CDH2: variants seen among roughly 807,000 people sequenced by gnomAD.
CDH2 encodes the protein cadherin 2.
A neutral mutation model predicts 92.0 loss-of-function variants in CDH2; 17 were observed. That is an observed-to-expected ratio of 0.18 (90% CI 0.13 to 0.28). CDH2 has a LOEUF of 0.28. CDH2 is among the 10% of genes least tolerant of loss of function. The pLI is 1.00. For missense variants in CDH2, 862 were observed against 1,133.1 expected (o/e 0.76, Z 3.44); for synonymous variants, 419 against 415.9 (o/e 1.01, Z -0.09).
intron 2 of CDH2, among the ~76,000 whole-genome samples, chr18:28,129,009 T>G (rs1464410426): frequency 1.3e-5 from 2 of 152,214 alleles, no homozygotes; most frequent in Non-Finnish European, 2.9e-5. Flanking sequence ...GCCACACCCA[T>G]AAGATCTAAG....
chr18:28,099,957 T>TA (rs1253717882), intron 2 of CDH2, among the ~76,000 whole-genome samples: 2 of 152,196 alleles, frequency 1.3e-5, no homozygotes, highest in Non-Finnish European at 2.9e-5. Context: ...AGTTTTTTTT[T>TA]ATCTATGATA....
At chr18:28,169,362 C>T (rs1212847848) in intron 1 of CDH2, among the ~76,000 whole-genome samples, 1 of 152,032 alleles carries the variant, frequency 6.6e-6, no homozygotes, top group African/African-American at 2.4e-5. Context: ...TTTAGTGCAA[C>T]AGAAGAAAGT....
chr18:28,075,764 T>C (rs144643432), intron 2 of CDH2, among the ~76,000 whole-genome samples: 6 of 152,272 alleles, frequency 3.9e-5, no homozygotes, highest in Non-Finnish European at 7.4e-5. Context: ...AACCTTCAGA[T>C]AGTCAAGGGA....
At chr18:28,054,339 T>A (rs2014250852) in intron 2 of CDH2, among the ~76,000 whole-genome samples, 1 of 152,180 alleles carries the variant, frequency 6.6e-6, no homozygotes, top group South Asian at 2.1e-4. Context: ...GATAAAATTG[T>A]TCACTTGTAG....
At chr18:28,077,338 G>A (rs778767966) in intron 2 of CDH2, among the ~76,000 whole-genome samples, 3 of 151,950 alleles carry the variant, frequency 2.0e-5, no homozygotes, top group Non-Finnish European at 2.9e-5. Context: ...TCTCCTAAAC[G>A]AACAACATGA....
chr18:28,033,487 GTGTGTA>G (rs1236013458), intron 2 of CDH2, among the ~76,000 whole-genome samples: 1 of 152,056 alleles, frequency 6.6e-6, no homozygotes, highest in South Asian at 2.1e-4. Flanking sequence ...CTCTGTGTGT[GTGTGTA>G]TGTGTATGTA....
At chr18:28,070,850 T>C (rs2014604037) in intron 2 of CDH2, among the ~76,000 whole-genome samples, 1 of 152,322 alleles carries the variant, frequency 6.6e-6, no homozygotes, top group Non-Finnish European at 1.5e-5. Context: ...AATCCATCAG[T>C]GGTAGGATTC....
At chr18:28,133,814 C>A (rs911325470) in intron 2 of CDH2, among the ~76,000 whole-genome samples, 1 of 151,876 alleles carries the variant, frequency 6.6e-6, no homozygotes, top group South Asian at 2.1e-4. Context: ...ACTGCAAAAC[C>A]GTGATGCTGC....
Position 27,977,448 on chromosome 18 carries a change from C to T in CDH2, c.2349+5496G>A, listed in dbSNP as rs76382736. Among the ~76,000 whole-genome samples the T allele has an allele frequency of 2.9e-3, 369 of 129,170 alleles. 2 individuals are homozygous for T. The East Asian group carries it at 0.037, about 13-fold the overall frequency. The allele number at this position is 129,170 out of a possible 152,430, so 84.7% of individuals were successfully genotyped here. ...TAGCAACCTGTACCTTGACATAGAA[C>T]TTATACAGACAGAGACTCCAATCAA... On this transcript the variant is annotated intron_variant, in intron 14 of 15. Coordinates refer to ENST00000269141, the MANE Select transcript of CDH2 (RefSeq NM_001792.5).
At chr18:27,933,442 A>G (rs1908948956) in intron 6 of CDH2, among the ~76,000 whole-genome samples, 1 of 152,206 alleles carries the variant, frequency 6.6e-6, no homozygotes, top group Non-Finnish European at 1.5e-5. Flanking sequence ...CATCAACATG[A>G]CCAATATAAA....
intron 2 of CDH2, among the ~76,000 whole-genome samples, chr18:28,113,013 G>A (rs534454451): frequency 6.6e-6 from 1 of 152,208 alleles, no homozygotes; most frequent in Admixed American, 6.5e-5. Context: ...AAATGCACTG[G>A]GAAGTATGTG....
chr18:28,079,725 A>C (rs2014790729), intron 2 of CDH2, among the ~76,000 whole-genome samples: 1 of 152,202 alleles, frequency 6.6e-6, no homozygotes, highest in Non-Finnish European at 1.5e-5. Context: ...CACTGTCCTA[A>C]AACCACGGAA....
chr18:28,167,245 A>C (rs939324578), intron 1 of CDH2, among the ~76,000 whole-genome samples: 2 of 152,142 alleles, frequency 1.3e-5, no homozygotes, highest in African/African-American at 2.4e-5. Context: ...CAGAATTCCA[A>C]ATGTATTTGG....
intron 2 of CDH2, among the ~76,000 whole-genome samples, chr18:28,118,725 C>T (rs938960548): frequency 6.6e-6 from 1 of 151,860 alleles, no homozygotes; most frequent in African/African-American, 2.4e-5. Flanking sequence ...AGGCCGTATA[C>T]CTTAGTAGTT....
At chr18:28,127,046 A>C (rs907545321) in intron 2 of CDH2, among the ~76,000 whole-genome samples, 1 of 152,198 alleles carries the variant, frequency 6.6e-6, no homozygotes, top group African/African-American at 2.4e-5. Context: ...TTCCTCCTCA[A>C]GGCACTGTGG....
At position 28,138,957 on chromosome 18, in the gene CDH2, C is replaced by A. The variant is rs557025728; in HGVS notation, c.172+8716G>T. Among the ~76,000 whole-genome samples, 3 of 152,128 alleles carry A rather than the reference C, an allele frequency of 2.0e-5. No homozygotes were observed. In the South Asian group the frequency reaches 6.2e-4, roughly 32 times the overall value. On this transcript the variant is annotated intron_variant, in intron 2 of 15. Transcript: ENST00000269141. ...GAAGGGAGTGACAGTAGTATTCTTG[C>A]AGAAACTGGAAAACCATCTGTCAAG...
chr18:28,165,917 GTA>G (rs1261258461), intron 1 of CDH2, among the ~76,000 whole-genome samples: 1 of 151,512 alleles, frequency 6.6e-6, no homozygotes, highest in African/African-American at 2.4e-5. Context: ...ATTATTGTGT[GTA>G]TATATGTCAC....
chr18:27,963,314 T>G, intron 15 of CDH2, 43 bp downstream of exon 15: 1 of 1,586,910 alleles, frequency 6.3e-7, no homozygotes, highest in Non-Finnish European at 8.6e-7. Context: ...ACCATTAGCA[T>G]GAAATGAAAA....
chr18:27,990,116 A>T lies in CDH2; in HGVS notation c.1579T>A (p.Tyr527Asn). The T allele has an allele frequency of 6.2e-7, 1 of 1,614,012 alleles. No homozygotes were observed. The highest frequency in any genetic ancestry group is 8.5e-7 in the Non-Finnish European group (1 of 1,179,854). The change falls in exon 10 of 16, where the codon TAT becomes AAT. Residue 527 changes from tyrosine to asparagine, a missense_variant. By Grantham distance (143) the Tyr-to-Asn change is moderately radical (BLOSUM62 -2). This residue lies in a region of CDH2 where 564 missense variants were observed against 722.2 expected (regional missense o/e 0.78). Transcript: ENST00000269141. ...TCATACCTAATATTTTGCTGCATATATCGATCTGGGTCCTGAGCAGTGAAT... is the reference window on the plus strand; with the variant it reads ...TCATACCTAATATTTTGCTGCATATTTCGATCTGGGTCCTGAGCAGTGAAT... ...TTFTAQDPDRYMQQNIRYTKL... is the reference protein window; with the variant it reads ...TTFTAQDPDRNMQQNIRYTKL...
Sources: allele counts gnomAD v4.1 joint callset (sites outside exome capture counted in the v4.1 genomes callset), GRCh38; gene constraint gnomAD v4.1.1; regional missense constraint gnomAD v4.1.1; transcripts MANE v1.5; gene names NCBI Gene and HGNC (gene_info 2026-07-23, HGNC 2026-07-21).